The following PDE1C variants were observed in gnomAD, a reference collection of about 807,000 sequenced individuals.
PDE1C encodes phosphodiesterase 1C.
A neutral mutation model predicts 93.1 loss-of-function variants in PDE1C; 62 were observed. The observed-to-expected ratio is 0.67, with a 90% CI of 0.54 to 0.82. The LOEUF (loss-of-function observed/expected upper bound fraction) is 0.82. Ranked by LOEUF, PDE1C falls within the 40% of genes least tolerant of loss-of-function variation. The probability of loss-of-function intolerance (pLI) is 0.00; values close to 1 mark genes in which losing one functional copy is unlikely to be tolerated. For synonymous variants in PDE1C, 325 were observed against 310.1 expected, an observed-to-expected ratio of 1.05 and a Z score of -0.50; for missense variants, 742 against 884.6, an observed-to-expected ratio of 0.84 and a Z score of 2.04.
chr7:31,697,111 G>C, the PDE1C span: 1 of 1,613,602 alleles, frequency 6.2e-7, no homozygotes, highest in Admixed American at 1.7e-5. Context: ...GTCCCCCTTT[G>C]CAGCAGGTAA....
intron 2 of PDE1C, among the ~76,000 whole-genome samples, chr7:31,931,479 C>A (rs574423281): frequency 6.6e-6 from 1 of 152,190 alleles, no homozygotes; most frequent in African/African-American, 2.4e-5. Flanking sequence ...GAGTGAACTC[C>A]CATTCACAAT....
the PDE1C span, among the ~76,000 whole-genome samples, chr7:31,712,206 T>TTTTGTACCACTTGTCC: frequency 1.3e-5 from 2 of 152,178 alleles, no homozygotes; most frequent in Non-Finnish European, 2.9e-5. Flanking sequence ...TATCAACTGG[T>TTTTGTACCACTTGTCC]TTTGTACCAC....
the PDE1C span, among the ~76,000 whole-genome samples, chr7:31,724,828 C>T: frequency 1.1e-4 from 16 of 152,210 alleles, no homozygotes; most frequent in African/African-American, 2.6e-4. Flanking sequence ...GTGGGCTGTG[C>T]GCTAAGGGTT....
At chr7:31,909,959 G>A (rs946043449) in intron 2 of PDE1C, among the ~76,000 whole-genome samples, 2 of 152,104 alleles carry the variant, frequency 1.3e-5, no homozygotes, top group Admixed American at 1.3e-4. Flanking sequence ...CTCTACCCAC[G>A]AGATGCCAGT....
chr7:32,168,090 CAATAAATAAATA>C (rs148238877), intron 3 of PDE1C, among the ~76,000 whole-genome samples: 1 of 151,852 alleles, frequency 6.6e-6, no homozygotes, highest in Non-Finnish European at 1.5e-5. Flanking sequence ...TTAAGGGTAC[CAATAAATAAATA>C]AATAAATAAA....
the PDE1C span, chr7:31,656,590 G>C: frequency 1.7e-6 from 1 of 583,756 alleles, no homozygotes; most frequent in Admixed American, 6.3e-5. Context: ...GAATGAATGA[G>C]ATGAGGATAA....
chr7:31,670,361 C>T, the PDE1C span, among the ~76,000 whole-genome samples: 1 of 152,076 alleles, frequency 6.6e-6, no homozygotes, highest in Admixed American at 6.5e-5. Flanking sequence ...CAAACTGCAC[C>T]ACATGTTCAT....
intron 1 of PDE1C, among the ~76,000 whole-genome samples, chr7:32,061,993 A>G (rs1442719522): frequency 6.6e-6 from 1 of 152,138 alleles, no homozygotes; most frequent in East Asian, 1.9e-4. Flanking sequence ...GCTGTAGATT[A>G]TATCTCCAGA....
chr7:31,733,379 A>T, the PDE1C span, among the ~76,000 whole-genome samples: 1 of 152,182 alleles, frequency 6.6e-6, no homozygotes, highest in African/African-American at 2.4e-5. Flanking sequence ...GGTAATTGGG[A>T]TTCCTAACTC....
At chr7:31,858,631 A>G (rs1464723435) in intron 7 of PDE1C, among the ~76,000 whole-genome samples, 2 of 152,166 alleles carry the variant, frequency 1.3e-5, no homozygotes, top group African/African-American at 4.8e-5. Flanking sequence ...AAGAAAGTCT[A>G]TATATAAGGT....
At chr7:31,636,714 TC>T in the PDE1C span, among the ~76,000 whole-genome samples, 1 of 150,908 alleles carries the variant, frequency 6.6e-6, no homozygotes, top group Admixed American at 6.6e-5. Flanking sequence ...CATAAAGGGA[TC>T]TTTTTTTTTT....
At chr7:31,790,293 A>G in intron 16 of PDE1C, 3 of 1,586,370 alleles carry the variant, frequency 1.9e-6, no homozygotes, top group Admixed American at 3.3e-5. Context: ...AAAAGTGTCA[A>G]TGCTGCCTTT....
chr7:32,294,589 T>G (rs1172831524), intron 1 of PDE1C, among the ~76,000 whole-genome samples: 1 of 152,218 alleles, frequency 6.6e-6, no homozygotes, highest in African/African-American at 2.4e-5. Flanking sequence ...AATGTGCTTT[T>G]GTTTTTGGCA....
chr7:31,765,112 T>C (rs925933381), intron 17 of PDE1C, among the ~76,000 whole-genome samples: 3 of 152,174 alleles, frequency 2.0e-5, no homozygotes, highest in African/African-American at 7.2e-5. Context: ...CTCATGATAA[T>C]ATGGGGAGGC....
the PDE1C span, among the ~76,000 whole-genome samples, chr7:31,684,206 A>T: frequency 6.6e-6 from 1 of 152,206 alleles, no homozygotes; most frequent in Non-Finnish European, 1.5e-5. Context: ...CAACAGCCCG[A>T]ACTTGGGAGT....
chr7:31,816,403 C>A (rs1788274040), intron 14 of PDE1C, among the ~76,000 whole-genome samples: 1 of 152,062 alleles, frequency 6.6e-6, no homozygotes, highest in African/African-American at 2.4e-5. Context: ...AATTAATAAA[C>A]CAATATTATA....
At chr7:31,895,991 T>TTACACACATACATACA (rs1554399952) in intron 2 of PDE1C, among the ~76,000 whole-genome samples, 1 of 148,486 alleles carries the variant, frequency 6.7e-6, no homozygotes, top group Admixed American at 6.7e-5. Flanking sequence ...ACACTCTCCC[T>TTACACACATACATACA]TACATACATA....
intron 16 of PDE1C, among the ~76,000 whole-genome samples, chr7:31,807,857 A>G (rs1331537693): frequency 6.6e-6 from 1 of 151,860 alleles, no homozygotes; most frequent in Non-Finnish European, 1.5e-5. Flanking sequence ...TGTGTAATTT[A>G]CTTCTTAGTC....
chr7:32,134,540 G>A, intron 3 of PDE1C, among the ~76,000 whole-genome samples: 1 of 151,952 alleles, frequency 6.6e-6, no homozygotes, highest in Admixed American at 6.6e-5. Flanking sequence ...TAGAAGAATG[G>A]GATGATCACA....
Sources: gnomAD v4.1 joint callset for allele counts (sites outside exome capture counted in the v4.1 genomes callset) on GRCh38, gnomAD v4.1.1 for gene constraint, MANE v1.5 for transcripts, NCBI Gene and HGNC (gene_info 2026-07-23, HGNC 2026-07-21) for gene names.